PAPPA2: variants seen among roughly 807,000 people sequenced by gnomAD.
The protein encoded by PAPPA2 is pappalysin-2.
PAPPA2 carries 86 observed loss-of-function variants against 176.4 expected under a neutral mutation model. The ratio of observed to expected loss-of-function variants is 0.49; its 90% CI spans 0.41 to 0.58. The LOEUF (loss-of-function observed/expected upper bound fraction) is 0.58. Ranked by LOEUF, PAPPA2 falls within the 20% of genes least tolerant of loss-of-function variation. PAPPA2 has a pLI of 0.00. For synonymous variants in PAPPA2, 809 were observed against 852.2 expected, an observed-to-expected ratio of 0.95 and a Z score of 0.88; for missense variants, 2,073 against 2,256.9, an observed-to-expected ratio of 0.92 and a Z score of 1.65.
At chr1:176,703,466 T>G (rs1660750994) in intron 9 of PAPPA2, among the ~76,000 whole-genome samples, 1 of 152,212 alleles carries the variant, frequency 6.6e-6, no homozygotes, top group Non-Finnish European at 1.5e-5. Flanking sequence ...AACCTAACTT[T>G]AATGCTCATC....
At chr1:176,591,511 A>G (rs1231706915) in intron 2 of PAPPA2, among the ~76,000 whole-genome samples, 1 of 152,178 alleles carries the variant, frequency 6.6e-6, no homozygotes, top group Non-Finnish European at 1.5e-5. Flanking sequence ...AGCGTATTCC[A>G]TTGTTATTAA....
intron 2 of PAPPA2, among the ~76,000 whole-genome samples, chr1:176,558,469 G>C (rs1181839559): frequency 6.6e-6 from 1 of 152,180 alleles, no homozygotes; most frequent in Non-Finnish European, 1.5e-5. Context: ...CGGACACTCT[G>C]TCTCCCCCTC....
At chr1:176,604,430 A>G (rs1014263649) in intron 3 of PAPPA2, among the ~76,000 whole-genome samples, 15 of 152,254 alleles carry the variant, frequency 9.9e-5, no homozygotes, top group African/African-American at 3.1e-4. Flanking sequence ...AATTGTTAAA[A>G]AAAGGAATGT....
Position 176,773,617 on chromosome 1 carries a change from G to A in PAPPA2, c.4715+2437G>A, listed in dbSNP as rs1211753783. ...ATCTCAGTTTTTGCATCTATAATAT[G>A]TGAAGTAGTAACTATTTCTATCCAA... On this transcript the variant is annotated intron_variant, in intron 17 of 22. Coordinates refer to ENST00000367662, the MANE Select transcript of PAPPA2 (RefSeq NM_020318.3). 2.6e-5 allele frequency among the ~76,000 whole-genome samples: 4 copies of A among 152,188 alleles called. No individual in the cohort carries two copies. The East Asian group carries it at 5.8e-4, about 22-fold the overall frequency.
At chr1:176,638,642 G>A (rs1315325190) in intron 3 of PAPPA2, among the ~76,000 whole-genome samples, 2 of 152,106 alleles carry the variant, frequency 1.3e-5, no homozygotes, top group Admixed American at 1.3e-4. Context: ...TGAACAGGCC[G>A]GAGTGCTGGG....
chr1:176,775,017 C>A (rs546677683), intron 17 of PAPPA2, among the ~76,000 whole-genome samples: 4 of 152,154 alleles, frequency 2.6e-5, no homozygotes, highest in Non-Finnish European at 5.9e-5. Flanking sequence ...GCTTGACTAA[C>A]TCCTACTCTC....
intron 2 of PAPPA2, among the ~76,000 whole-genome samples, chr1:176,574,531 T>A (rs1267374240): frequency 1.3e-5 from 2 of 152,202 alleles, no homozygotes; most frequent in Non-Finnish European, 1.5e-5. Context: ...GCTGGGCAGC[T>A]CCCTTTGGCT....
At chr1:176,656,399 T>G (rs1464647633) in intron 3 of PAPPA2, among the ~76,000 whole-genome samples, 1 of 151,512 alleles carries the variant, frequency 6.6e-6, no homozygotes, top group East Asian at 1.9e-4. Flanking sequence ...AAGCCCAACC[T>G]CTCTCCTCAC....
At chr1:176,718,308 G>A (rs913055274) in intron 12 of PAPPA2, among the ~76,000 whole-genome samples, 1 of 151,428 alleles carries the variant, frequency 6.6e-6, no homozygotes, top group Non-Finnish European at 1.5e-5. Flanking sequence ...TTTGTGGCTT[G>A]TCTCTTTTAT....
intron 19 of PAPPA2, among the ~76,000 whole-genome samples, chr1:176,793,178 T>C (rs1047120212): frequency 1.3e-5 from 2 of 152,166 alleles, no homozygotes; most frequent in Non-Finnish European, 2.9e-5. Context: ...ATTTAAAAGT[T>C]ATGAGCCAAT....
intron 8 of PAPPA2, 23 bp from the exon 9 acceptor site, chr1:176,702,584 C>A: frequency 1.2e-6 from 2 of 1,612,830 alleles, no homozygotes; most frequent in South Asian, 2.2e-5. Context: ...CTGTAGTGGT[C>A]ACAAACCCTT....
chr1:176,628,753 T>A (rs981243763), intron 3 of PAPPA2, among the ~76,000 whole-genome samples: 1 of 152,238 alleles, frequency 6.6e-6, no homozygotes, highest in African/African-American at 2.4e-5. Flanking sequence ...CCTTTTCATT[T>A]GCTTTATCAT....
intron 12 of PAPPA2, among the ~76,000 whole-genome samples, chr1:176,731,566 C>G (rs1015610388): frequency 1.3e-5 from 2 of 151,948 alleles, no homozygotes; most frequent in Non-Finnish European, 2.9e-5. Flanking sequence ...CCAGCCTCAA[C>G]CTCCTAAAGT....
At chr1:176,519,448 A>G (rs1020411280) in intron 1 of PAPPA2, among the ~76,000 whole-genome samples, 1 of 152,164 alleles carries the variant, frequency 6.6e-6, no homozygotes, top group East Asian at 1.9e-4. Context: ...ACCTAACAGC[A>G]ATACCAAAGG....
chr1:176,810,558 G>A (rs1322553014), intron 21 of PAPPA2, among the ~76,000 whole-genome samples: 3 of 152,130 alleles, frequency 2.0e-5, no homozygotes, highest in African/African-American at 7.2e-5. Flanking sequence ...TTTACAGGAG[G>A]CAGATCCAGG....
chr1:176,616,519 T>TA (rs1271938990), intron 3 of PAPPA2: 1 of 1,201,146 alleles, frequency 8.3e-7, no homozygotes. Context: ...TCACAAAACT[T>TA]AATTTTTACA....
At position 176,581,332 on chromosome 1, in the gene PAPPA2, A is replaced by C. The variant is rs560662848; in HGVS notation, c.920-13192A>C. On this transcript the variant is annotated intron_variant, in intron 2 of 22. Coordinates refer to ENST00000367662, the MANE Select transcript of PAPPA2 (RefSeq NM_020318.3). ...TCCACTGGTCTATTTGCCTATTTTT[A>C]TGCCAGTACAATGCTATTTTGGTTA... is the stretch of plus-strand genomic sequence containing the variant. 3.3e-5 allele frequency among the ~76,000 whole-genome samples: 5 copies of C among 152,314 alleles called. No individual in the cohort carries two copies. The East Asian group carries it at 9.6e-4, about 29-fold the overall frequency.
intron 2 of PAPPA2, among the ~76,000 whole-genome samples, chr1:176,559,296 C>T (rs899845523): frequency 6.6e-6 from 1 of 152,232 alleles, no homozygotes; most frequent in African/African-American, 2.4e-5. Context: ...TATTTCCCCT[C>T]TTAGGTCTAC....
At chr1:176,623,576 CTCCTTCCTTCCTTCCTTCCTTCCT>C (rs200667738) in intron 3 of PAPPA2, among the ~76,000 whole-genome samples, 3 of 84,956 alleles carry the variant, frequency 3.5e-5, no homozygotes, top group East Asian at 2.7e-4. Context: ...CCTTCCTTCC[CTCCTTCCTTCCTTCCTTCCTTCCT>C]TCCTTCCTTC....
Sources: allele counts gnomAD v4.1 joint callset (sites outside exome capture counted in the v4.1 genomes callset), GRCh38; gene constraint gnomAD v4.1.1; transcripts MANE v1.5; gene names NCBI Gene and HGNC (gene_info 2026-07-23, HGNC 2026-07-21).